The following PLXDC2 variants were observed in gnomAD, a reference collection of about 807,000 sequenced individuals.
PLXDC2 encodes the protein plexin domain containing 2.
A neutral mutation model predicts 68.9 loss-of-function variants in PLXDC2; 40 were observed. The ratio of observed to expected loss-of-function variants is 0.58; its 90% confidence interval spans 0.45 to 0.76. The LOEUF is 0.76. Ranked by LOEUF, PLXDC2 falls within the 30% of genes least tolerant of loss-of-function variation. PLXDC2 has a pLI of 0.00. For missense variants in PLXDC2, 644 were observed against 661.9 expected (o/e 0.97, Z 0.30); for synonymous variants, 243 against 234.2 (o/e 1.04, Z -0.34).
At chr10:20,044,293 C>CTTTCT (rs1412550830) in intron 2 of PLXDC2, among the ~76,000 whole-genome samples, 3 of 67,118 alleles carry the variant, frequency 4.5e-5, no homozygotes, top group African/African-American at 1.7e-4. Flanking sequence ...TTCTTTCTTT[C>CTTTCT]TTCTTTCTCT....
chr10:19,914,481 A>G (rs1451314762), intron 1 of PLXDC2, among the ~76,000 whole-genome samples: 2 of 152,236 alleles, frequency 1.3e-5, no homozygotes, highest in African/African-American at 2.4e-5. Flanking sequence ...GCAATCTTCC[A>G]TAATGCTCAT....
intron 7 of PLXDC2, among the ~76,000 whole-genome samples, chr10:20,167,132 T>C (rs1259246974): frequency 2.0e-5 from 3 of 152,146 alleles, no homozygotes; most frequent in Admixed American, 1.3e-4. Flanking sequence ...AGTTCTGCCA[T>C]TGTTGCTGTT....
chr10:19,965,920 A>G (rs1208503676), intron 1 of PLXDC2, among the ~76,000 whole-genome samples: 2 of 152,114 alleles, frequency 1.3e-5, no homozygotes, highest in Non-Finnish European at 2.9e-5. Context: ...CTTATTAACA[A>G]GATCTCAGTC....
chr10:20,158,979 T>G (rs1223840445), intron 6 of PLXDC2, among the ~76,000 whole-genome samples: 1 of 152,206 alleles, frequency 6.6e-6, no homozygotes, highest in Non-Finnish European at 1.5e-5. Flanking sequence ...TAGGAAAATA[T>G]AAGTAGTTGA....
intron 1 of PLXDC2, among the ~76,000 whole-genome samples, chr10:19,889,805 G>A (rs1258959351): frequency 6.6e-6 from 1 of 152,154 alleles, no homozygotes; most frequent in Non-Finnish European, 1.5e-5. Context: ...AGTGCCAGCA[G>A]GTAACCCATA....
chr10:20,208,645 T>C (rs956469684), intron 9 of PLXDC2, among the ~76,000 whole-genome samples: 4 of 152,184 alleles, frequency 2.6e-5, no homozygotes, highest in African/African-American at 9.7e-5. Context: ...ATATAGTGGA[T>C]ATTATGATCA....
chr10:19,954,201 A>G (rs60418455), intron 1 of PLXDC2, among the ~76,000 whole-genome samples: 3,608 of 152,328 alleles, frequency 0.024, 142 homozygotes, highest in African/African-American at 0.081. Flanking sequence ...GATGAAAACT[A>G]TAATAAGCTT....
At chr10:20,218,628 T>G (rs1014602836) in intron 11 of PLXDC2, among the ~76,000 whole-genome samples, 3 of 152,124 alleles carry the variant, frequency 2.0e-5, no homozygotes, top group Non-Finnish European at 4.4e-5. Context: ...GGGTAAACAT[T>G]TAACTTTTGG....
intron 12 of PLXDC2, among the ~76,000 whole-genome samples, chr10:20,244,880 C>G (rs1835568117): frequency 6.6e-6 from 1 of 152,180 alleles, no homozygotes; most frequent in African/African-American, 2.4e-5. Flanking sequence ...CTTTGGGAGG[C>G]TGAGGCAGGC....
intron 2 of PLXDC2, among the ~76,000 whole-genome samples, chr10:20,015,871 C>T (rs533662189): frequency 2.6e-5 from 4 of 152,276 alleles, no homozygotes; most frequent in African/African-American, 9.6e-5. Flanking sequence ...ATCGTGTTCA[C>T]TCTCCTTTCT....
chr10:19,841,155 T>C (rs1836896900), intron 1 of PLXDC2, among the ~76,000 whole-genome samples: 1 of 152,230 alleles, frequency 6.6e-6, no homozygotes. Flanking sequence ...TTCAAAGTGA[T>C]TTCATTTCTT....
At chr10:19,952,460 C>T (rs945339199) in intron 1 of PLXDC2, among the ~76,000 whole-genome samples, 5 of 152,164 alleles carry the variant, frequency 3.3e-5, no homozygotes, top group Non-Finnish European at 7.4e-5. Context: ...CGTATGGATT[C>T]TCCCACAGGA....
At chr10:19,885,211 T>C (rs1454266839) in intron 1 of PLXDC2, among the ~76,000 whole-genome samples, 1 of 152,078 alleles carries the variant, frequency 6.6e-6, no homozygotes, top group Non-Finnish European at 1.5e-5. Flanking sequence ...TTTGTTTTTT[T>C]CTTGTAAATT....
At position 20,148,495 on chromosome 10, in the gene PLXDC2, T is replaced by G. The variant is rs144097497; in HGVS notation, c.783+593T>G. Among the ~76,000 whole-genome samples the G allele has an allele frequency of 3.5e-3, 532 of 152,176 alleles. 3 individuals are homozygous for G. Among genetic ancestry groups the G allele is most frequent in the African/African-American group, 0.012 (507 of 41,460 alleles). On this transcript the variant is annotated intron_variant, in intron 6 of 13. Transcript: ENST00000377252. Reference sequence around the variant, plus strand: ...TTAGGTTTGTTTCATTTTAACAAACTGACAAAGTAAAGAATGAAAATTTAC... The same window carrying G: ...TTAGGTTTGTTTCATTTTAACAAACGGACAAAGTAAAGAATGAAAATTTAC...
At chr10:20,111,009 A>G (rs1359450405) in intron 4 of PLXDC2, among the ~76,000 whole-genome samples, 1 of 152,152 alleles carries the variant, frequency 6.6e-6, no homozygotes, top group African/African-American at 2.4e-5. Flanking sequence ...TACCCACATA[A>G]TTCTACCAAA....
At chr10:20,105,048 CAAAAA>C (rs11289832) in intron 4 of PLXDC2, among the ~76,000 whole-genome samples, 4 of 97,296 alleles carry the variant, frequency 4.1e-5, no homozygotes, top group Admixed American at 2.5e-4. Context: ...AGACTCCATC[CAAAAA>C]AAAAAAAAAA....
chr10:19,915,505 T>TA (rs1301485002), intron 1 of PLXDC2, among the ~76,000 whole-genome samples: 1 of 152,192 alleles, frequency 6.6e-6, no homozygotes, highest in Non-Finnish European at 1.5e-5. Flanking sequence ...GATTTAATTT[T>TA]AAAAAATCAT....
At chr10:20,098,855 G>A (rs1425928185) in intron 4 of PLXDC2, among the ~76,000 whole-genome samples, 1 of 152,140 alleles carries the variant, frequency 6.6e-6, no homozygotes, top group East Asian at 1.9e-4. Flanking sequence ...TAGAAGCACT[G>A]AATGCAATAG....
chr10:19,890,023 C>T (rs889289870), intron 1 of PLXDC2, among the ~76,000 whole-genome samples: 1 of 152,140 alleles, frequency 6.6e-6, no homozygotes, highest in Non-Finnish European at 1.5e-5. Flanking sequence ...TTTCAGGGCC[C>T]TTTCTCCTTC....
Sources: gnomAD v4.1 joint callset for allele counts (sites outside exome capture counted in the v4.1 genomes callset) on GRCh38, gnomAD v4.1.1 for gene constraint, MANE v1.5 for transcripts, NCBI Gene and HGNC (gene_info 2026-07-23, HGNC 2026-07-21) for gene names.